Variants in ROBO1 observed in about 807,000 individuals in gnomAD.
ROBO1 encodes roundabout homolog 1.
Under a neutral mutation model 195.9 loss-of-function variants are expected in ROBO1, and 149 were observed. That is an observed-to-expected ratio of 0.76 (90% CI 0.67 to 0.87). The LOEUF (loss-of-function observed/expected upper bound fraction) is 0.87. Among genes scored for constraint, ROBO1 ranks in the 40% least tolerant of loss-of-function variants. The pLI is 0.00. For missense variants in ROBO1, 1,933 were observed against 2,068.3 expected (o/e 0.93, Z 1.27); for synonymous variants, 816 against 733.2 (o/e 1.11, Z -1.82).
At chr3:79,544,573 C>T (rs911006504) in intron 2 of ROBO1, among the ~76,000 whole-genome samples, 1 of 151,248 alleles carries the variant, frequency 6.6e-6, no homozygotes, top group Non-Finnish European at 1.5e-5. Context: ...AATGATTGTA[C>T]CTGTGCTGGA....
chr3:79,505,712 C>G, intron 2 of ROBO1, among the ~76,000 whole-genome samples: 1 of 152,188 alleles, frequency 6.6e-6, no homozygotes, highest in Non-Finnish European at 1.5e-5. Flanking sequence ...ACGTAGATTA[C>G]TGTCTTGTAG....
intron 2 of ROBO1, among the ~76,000 whole-genome samples, chr3:79,530,540 G>T (rs991817347): frequency 6.6e-6 from 1 of 151,860 alleles, no homozygotes; most frequent in Non-Finnish European, 1.5e-5. Flanking sequence ...CTTGATCTTC[G>T]CATTCCATAT....
intron 2 of ROBO1, among the ~76,000 whole-genome samples, chr3:79,581,185 C>T (rs1217029962): frequency 8.6e-5 from 13 of 152,034 alleles, no homozygotes; most frequent in Admixed American, 8.5e-4. Flanking sequence ...CCCTCAGGCA[C>T]AATTACAACA....
chr3:79,684,820 T>C (rs6765262), intron 1 of ROBO1, among the ~76,000 whole-genome samples: 43,360 of 151,742 alleles, frequency 0.29, 7,210 homozygotes, highest in African/African-American at 0.47. Context: ...GGACTATAGG[T>C]GCACGCTGCC....
At chr3:79,713,859 C>G (rs952260798) in intron 1 of ROBO1, among the ~76,000 whole-genome samples, 1 of 152,054 alleles carries the variant, frequency 6.6e-6, no homozygotes, top group African/African-American at 2.4e-5. Context: ...GAATCCTTTC[C>G]CCATTGCTTG....
At chr3:79,239,093 T>C (rs1033774273) in intron 2 of ROBO1, among the ~76,000 whole-genome samples, 5 of 152,194 alleles carry the variant, frequency 3.3e-5, no homozygotes, top group Non-Finnish European at 5.9e-5. Context: ...TCCTTAGTAC[T>C]ATACAACCAG....
intron 2 of ROBO1, among the ~76,000 whole-genome samples, chr3:79,556,950 T>C (rs1425936036): frequency 6.6e-6 from 1 of 150,978 alleles, no homozygotes; most frequent in African/African-American, 2.4e-5. Context: ...TATCTCATTT[T>C]ATATTATTAT....
At chr3:79,055,372 G>A (rs2108381320) in intron 3 of ROBO1, among the ~76,000 whole-genome samples, 1 of 152,192 alleles carries the variant, frequency 6.6e-6, no homozygotes. Flanking sequence ...TGGCCCACCT[G>A]CACCATACAC....
chr3:78,740,943 G>C (rs1208595499), intron 5 of ROBO1, among the ~76,000 whole-genome samples: 1 of 151,834 alleles, frequency 6.6e-6, no homozygotes, highest in Non-Finnish European at 1.5e-5. Flanking sequence ...TAAAACAAAA[G>C]GTTTAATTAC....
At chr3:79,325,733 C>T (rs2034181471) in intron 2 of ROBO1, among the ~76,000 whole-genome samples, 1 of 152,128 alleles carries the variant, frequency 6.6e-6, no homozygotes, top group Non-Finnish European at 1.5e-5. Context: ...CCCATCTTTA[C>T]TTTAATCTCT....
chr3:79,658,309 G>A (rs1426237968), intron 1 of ROBO1, among the ~76,000 whole-genome samples: 1 of 151,994 alleles, frequency 6.6e-6, no homozygotes, highest in African/African-American at 2.4e-5. Flanking sequence ...AGAACGAATG[G>A]TTAATTATTT....
At chr3:79,128,315 T>C (rs111806498) in intron 2 of ROBO1, among the ~76,000 whole-genome samples, 8 of 152,174 alleles carry the variant, frequency 5.3e-5, no homozygotes, top group African/African-American at 1.9e-4. Context: ...AGGTGCTGGG[T>C]TTTATGTGTC....
intron 2 of ROBO1, among the ~76,000 whole-genome samples, chr3:79,546,924 G>C (rs1315093355): frequency 2.0e-5 from 3 of 152,016 alleles, no homozygotes; most frequent in Non-Finnish European, 2.9e-5. Flanking sequence ...GCTCACGCCT[G>C]TAATCCCAGC....
intron 8 of ROBO1, among the ~76,000 whole-genome samples, chr3:78,692,147 G>A (rs1374619768): frequency 6.6e-6 from 1 of 151,494 alleles, no homozygotes; most frequent in African/African-American, 2.4e-5. Flanking sequence ...ATGTATTTTT[G>A]TAAGGTATCA....
chr3:79,170,141 A>C (rs1443342692), intron 2 of ROBO1, among the ~76,000 whole-genome samples: 1 of 151,890 alleles, frequency 6.6e-6, no homozygotes, highest in Non-Finnish European at 1.5e-5. Context: ...AAATATTCTC[A>C]CTAGATTAGA....
rs372438235 is a variant in ROBO1, at chr3:79,070,203, G to C, written c.172+55253C>G. On this transcript the variant is annotated intron_variant, in intron 3 of 30. Transcript: ENST00000464233. ...TCACTTTCCATATTGTTGTCATCCA[G>C]TGTGGTAGTCCCACTCTGATTTTAC... 1.2e-3 allele frequency among the ~76,000 whole-genome samples: 184 copies of C among 151,826 alleles called. 1 individual carries two copies. Among genetic ancestry groups the C allele is most frequent in the African/African-American group, 4.2e-3 (175 of 41,392 alleles).
chr3:78,697,513 GA>G (rs1403152044), intron 8 of ROBO1, among the ~76,000 whole-genome samples: 1 of 152,186 alleles, frequency 6.6e-6, no homozygotes, highest in African/African-American at 2.4e-5. Flanking sequence ...CACAAGAAAA[GA>G]TGATAATCGG....
At chr3:78,661,285 T>C in intron 15 of ROBO1, 24 bp from the exon 16 acceptor site, 1 of 1,317,022 alleles carries the variant, frequency 7.6e-7, no homozygotes. Flanking sequence ...AAGTAAAATG[T>C]AATTATTCAT....
intron 2 of ROBO1, among the ~76,000 whole-genome samples, chr3:79,332,650 A>G (rs552717569): frequency 2.0e-5 from 3 of 150,998 alleles, no homozygotes; most frequent in African/African-American, 7.3e-5. Flanking sequence ...GACAGCTACA[A>G]CGTTAAAATT....
Sources: gnomAD v4.1 joint callset for allele counts (sites outside exome capture counted in the v4.1 genomes callset) on GRCh38, gnomAD v4.1.1 for gene constraint, MANE v1.5 for transcripts, NCBI Gene and HGNC (gene_info 2026-07-23, HGNC 2026-07-21) for gene names.